PLEKHA1: variants seen among roughly 807,000 people sequenced by gnomAD.
PLEKHA1 encodes the protein pleckstrin homology domain-containing family A member 1.
Under a neutral mutation model 52.0 loss-of-function variants are expected in PLEKHA1, and 34 were observed. That is an observed-to-expected ratio of 0.65 (90% CI 0.50 to 0.87). The LOEUF is 0.87. Among genes scored for constraint, PLEKHA1 ranks in the 40% least tolerant of loss-of-function variants. The probability of loss-of-function intolerance (pLI) is 0.00; values close to 1 mark genes in which losing one functional copy is unlikely to be tolerated. For synonymous variants in PLEKHA1, 163 were observed against 170.7 expected (o/e 0.95, Z 0.35); for missense variants, 497 against 504.2 (o/e 0.99, Z 0.14).
intron 5 of PLEKHA1, among the ~76,000 whole-genome samples, chr10:122,407,047 C>T (rs2097027799): frequency 6.6e-6 from 1 of 152,132 alleles, no homozygotes; most frequent in Non-Finnish European, 1.5e-5. Context: ...GCACTTCTCT[C>T]TTCTAAGCCA....
chr10:122,429,664 G>A lies in PLEKHA1; in HGVS notation c.941G>A (p.Arg314His), dbSNP rs751558300. ...CCTTCAGAATCCAAACACGCTTTCC[G>A]TCCTACCAACGCAGCCACCGCCACC... ...PGPSESKHAF[R>H]PTNAATATSH... The change falls in exon 12 of 12, where the codon CGT (arginine) becomes CAT (histidine). Residue 314 changes from arginine to histidine, a missense_variant. Arg to His is a conservative substitution (Grantham distance 29). Coordinates refer to ENST00000368990, the MANE Select transcript of PLEKHA1 (RefSeq NM_001001974.4). 20 of 1,613,848 alleles carry A rather than the reference G, an allele frequency of 1.2e-5. No individual in the cohort carries two copies. Among genetic ancestry groups the A allele is most frequent in the Admixed American group, 3.3e-5 (2 of 59,976 alleles).
At position 122,393,099 on chromosome 10, in the gene PLEKHA1, C is replaced by T. The variant is rs2096798668; in HGVS notation, c.-20-82C>T. The T allele has an allele frequency of 1.8e-6, 2 of 1,121,868 alleles. No individual in the cohort carries two copies. The highest frequency in any genetic ancestry group is 2.1e-5 in the South Asian group (1 of 47,856). 69.5% of individuals were successfully genotyped at this position (1,121,868 alleles called of 1,614,324 possible). On this transcript the variant is annotated intron_variant, in intron 1 of 11. Coordinates refer to ENST00000368990, the MANE Select transcript of PLEKHA1 (RefSeq NM_001001974.4). This position sits in a 1 kb window ranked among gnomAD's most constrained non-coding sequence, Gnocchi z 4.5. Reference sequence around the variant, plus strand: ...CCTTACCTAATGTTGGCAAGTTGCCCCCTCATTGAACAGATTTGCAGTCCA... The same window carrying T: ...CCTTACCTAATGTTGGCAAGTTGCCTCCTCATTGAACAGATTTGCAGTCCA...
intron 3 of PLEKHA1, among the ~76,000 whole-genome samples, 187 bp from the exon 4 acceptor site, chr10:122,400,156 A>G (rs2096907689): frequency 6.6e-6 from 1 of 152,196 alleles, no homozygotes; most frequent in Non-Finnish European, 1.5e-5. Context: ...GTTACCTCTT[A>G]CAGTTGGGAA....
Position 122,424,226 on chromosome 10 carries a change from C to T in PLEKHA1, c.709C>T (p.Leu237Phe). ...AAAGGAACCTCTTCGTGTAATACCA[C>T]TTAAAGAGGTTCATAAAGTCCAGGA... ...LEKEPLRVIP[L>F]KEVHKVQECK... The change falls in exon 9 of 12, where the codon CTT becomes TTT. Residue 237 changes from leucine (L) to phenylalanine (F), a missense_variant. Coordinates refer to ENST00000368990, the MANE Select transcript of PLEKHA1 (RefSeq NM_001001974.4). 1 of 1,492,646 alleles carries T rather than the reference C, an allele frequency of 6.7e-7. No homozygotes were observed. The highest frequency in any genetic ancestry group is 1.2e-5 in the South Asian group (1 of 84,740). The allele number at this position is 1,492,646 out of a possible 1,614,324, so 92.5% of individuals were successfully genotyped here.
chr10:122,431,044 C>T lies in PLEKHA1; in HGVS notation c.*1106C>T, dbSNP rs914167366. Reference sequence around the variant, plus strand: ...AAACAAATTTGAGAATACATTTAATCATAGGGATATAGATATAAGCACCTC... The same window carrying T: ...AAACAAATTTGAGAATACATTTAATTATAGGGATATAGATATAAGCACCTC... On this transcript the variant is annotated 3_prime_UTR_variant, in exon 12 of 12. Transcript: ENST00000368990. 1 of 152,384 alleles carries T rather than the reference C, an allele frequency of 6.6e-6. No homozygotes were observed. Among genetic ancestry groups the T allele is most frequent in the African/African-American group, 2.4e-5 (1 of 41,378 alleles). 9.4% of individuals were successfully genotyped at this position (152,384 alleles called of 1,614,324 possible). A position where few individuals can be genotyped will look rare whatever the true frequency, so the allele number is the denominator to read the frequency against.
At chr10:122,376,519 T>C (rs937735701) in intron 1 of PLEKHA1, among the ~76,000 whole-genome samples, 6 of 80,922 alleles carry the variant, frequency 7.4e-5, no homozygotes, top group African/African-American at 2.0e-4. Context: ...TATATATATA[T>C]ATATATATAT....
chr10:122,427,006 G>A lies in PLEKHA1; in HGVS notation c.875G>A (p.Arg292Gln). Residue 292 changes from arginine to glutamine, a missense_variant, in exon 11 of 12, where the codon CGG becomes CAG. Transcript: ENST00000368990. ...GTCTCTGGCGCCATTGTAGCACAGC[G>A]GGGTCCCGGCAGATCTGCGTCTTCT... The part of the protein sequence containing the change: ...KAVSGAIVAQ[R>Q]GPGRSASSEH... 1.2e-6 allele frequency: 2 copies of A among 1,613,974 alleles called. No homozygotes were observed. The highest frequency in any genetic ancestry group is 1.7e-6 in the Non-Finnish European group (2 of 1,179,902).
At chr10:122,432,530 A>C (rs945884732), downstream of PLEKHA1, 1 of 136,586 alleles carries the variant, frequency 7.3e-6, no homozygotes. Context: ...TGCATGTGAA[A>C]TTATAGAAGG....
chr10:122,414,964 C>G (rs1045707987), intron 6 of PLEKHA1, among the ~76,000 whole-genome samples: 2 of 151,552 alleles, frequency 1.3e-5, no homozygotes, highest in African/African-American at 2.4e-5. Flanking sequence ...AGGTGTTTAT[C>G]GTAGAGAAAG....
chr10:122,427,931 G>A (rs1160248123), intron 11 of PLEKHA1, among the ~76,000 whole-genome samples: 2 of 152,102 alleles, frequency 1.3e-5, no homozygotes, highest in South Asian at 2.1e-4. Flanking sequence ...TTTTCTGGTA[G>A]TGATAACTAC....
intron 9 of PLEKHA1, 78 bp from the exon 10 acceptor site, chr10:122,424,818 C>A: frequency 8.7e-7 from 1 of 1,145,506 alleles, no homozygotes; most frequent in Non-Finnish European, 1.3e-6. Flanking sequence ...TTGACGCATA[C>A]TGGGTACTGG....
intron 5 of PLEKHA1, among the ~76,000 whole-genome samples, chr10:122,409,876 G>T (rs1297676295): frequency 6.6e-6 from 1 of 151,974 alleles, no homozygotes; most frequent in African/African-American, 2.4e-5. Flanking sequence ...CGCCACCGGG[G>T]TTCAAGTGAT....
intron 5 of PLEKHA1, chr10:122,412,186 T>C (rs1037415636): frequency 5.3e-5 from 8 of 152,254 alleles, no homozygotes; most frequent in Non-Finnish European, 7.3e-5. Context: ...GAGATTCTGC[T>C]GTTACCACAG....
chr10:122,394,016 G>A (rs188483395), intron 2 of PLEKHA1, among the ~76,000 whole-genome samples: 15 of 151,138 alleles, frequency 9.9e-5, no homozygotes, highest in Admixed American at 8.6e-4. Flanking sequence ...GCCTTAAGAG[G>A]CCTGAGATTA....
chr10:122,381,175 G>A (rs1001206916), intron 1 of PLEKHA1, among the ~76,000 whole-genome samples: 9 of 152,208 alleles, frequency 5.9e-5, no homozygotes, highest in African/African-American at 2.2e-4. Flanking sequence ...AGTGGGGTAA[G>A]GGCCAGATCC....
Position 122,374,724 on chromosome 10 carries a change from C to T in PLEKHA1, c.-103C>T, listed in dbSNP as rs1413138448. ...GACGCGTGCGCAGTGCGCGGGCTGGCCGTCGCGGACGCCGCTCCGGGCAGC... is the reference window on the plus strand; with the variant it reads ...GACGCGTGCGCAGTGCGCGGGCTGGTCGTCGCGGACGCCGCTCCGGGCAGC... On this transcript the variant is annotated 5_prime_UTR_variant, in exon 1 of 12. Transcript: ENST00000368990. The T allele has an allele frequency of 1.3e-5, 2 of 151,790 alleles. No homozygotes were observed. Among genetic ancestry groups the T allele is most frequent in the Non-Finnish European group, 2.9e-5 (2 of 67,958 alleles). 9.4% of individuals were successfully genotyped at this position (151,790 alleles called of 1,614,324 possible).
At chr10:122,388,139 C>T (rs2096726325) in intron 1 of PLEKHA1, among the ~76,000 whole-genome samples, 2 of 152,202 alleles carry the variant, frequency 1.3e-5, no homozygotes, top group Admixed American at 1.3e-4. Context: ...ACATTTTCAT[C>T]ACCTGTTAAG....
intron 1 of PLEKHA1, among the ~76,000 whole-genome samples, chr10:122,383,680 T>C (rs1279902168): frequency 6.6e-6 from 1 of 152,144 alleles, no homozygotes; most frequent in Non-Finnish European, 1.5e-5. Flanking sequence ...TCCTCCTTTT[T>C]TTGGTAACAA....
intron 11 of PLEKHA1, among the ~76,000 whole-genome samples, chr10:122,427,798 C>T (rs1387709414): frequency 5.3e-5 from 8 of 152,118 alleles, no homozygotes; most frequent in African/African-American, 1.2e-4. Flanking sequence ...CTGCCATCTG[C>T]GGAAAGTAGT....
Sources: allele counts gnomAD v4.1 joint callset (sites outside exome capture counted in the v4.1 genomes callset), GRCh38; gene constraint gnomAD v4.1.1; non-coding constraint Gnocchi (gnomAD v3.1); transcripts MANE v1.5; gene names NCBI Gene and HGNC (gene_info 2026-07-23, HGNC 2026-07-21).